ATRNL1: variants seen among roughly 807,000 people sequenced by gnomAD.
ATRNL1 encodes attractin like 1.
ATRNL1 carries 95 observed loss-of-function variants against 182.7 expected under a neutral mutation model. The ratio of observed to expected loss-of-function variants is 0.52; its 90% CI spans 0.44 to 0.62. The LOEUF is 0.62. Among genes scored for constraint, ATRNL1 ranks in the 20% least tolerant of loss-of-function variants. The pLI is 0.00. For missense variants in ATRNL1, 1,471 were observed against 1,679.5 expected, an observed-to-expected ratio of 0.88 and a Z score of 2.17; for synonymous variants, 576 against 568.3, an observed-to-expected ratio of 1.01 and a Z score of -0.19.
chr10:115,236,911 C>G (rs1554901561), intron 9 of ATRNL1, among the ~76,000 whole-genome samples: 1 of 152,088 alleles, frequency 6.6e-6, no homozygotes, highest in Non-Finnish European at 1.5e-5. Context: ...TTATCTCTTC[C>G]TCCCTCCAAA....
chr10:115,176,956 TG>T (rs1468172799), intron 8 of ATRNL1, among the ~76,000 whole-genome samples: 3 of 151,986 alleles, frequency 2.0e-5, no homozygotes, highest in African/African-American at 7.2e-5. Flanking sequence ...TGGGAGTTCT[TG>T]GGAGTTCTTA....
At chr10:115,667,886 A>C (rs1487018895) in intron 26 of ATRNL1, among the ~76,000 whole-genome samples, 1 of 151,860 alleles carries the variant, frequency 6.6e-6, no homozygotes, top group Non-Finnish European at 1.5e-5. Flanking sequence ...GCTTGTCTCA[A>C]ATCCCTGGGC....
At chr10:115,778,786 G>T (rs1471608425) in intron 27 of ATRNL1, among the ~76,000 whole-genome samples, 1 of 152,186 alleles carries the variant, frequency 6.6e-6, no homozygotes, top group African/African-American at 2.4e-5. Flanking sequence ...TAGTCTGGTA[G>T]CTTGTGTAGG....
chr10:115,275,716 C>T (rs1852074833), intron 13 of ATRNL1, among the ~76,000 whole-genome samples: 1 of 152,162 alleles, frequency 6.6e-6, no homozygotes, highest in South Asian at 2.1e-4. Context: ...CAGTGCTCCC[C>T]TCCCAAGTTT....
At chr10:115,245,325 C>T (rs1180662618) in intron 10 of ATRNL1, among the ~76,000 whole-genome samples, 3 of 151,476 alleles carry the variant, frequency 2.0e-5, no homozygotes, top group Non-Finnish European at 4.4e-5. Context: ...ATGGAGAAAC[C>T]CCGTCTCTAC....
At chr10:115,187,941 A>G (rs1675784627) in intron 8 of ATRNL1, among the ~76,000 whole-genome samples, 2 of 151,698 alleles carry the variant, frequency 1.3e-5, no homozygotes, top group South Asian at 4.2e-4. Context: ...CGGTCTCCCA[A>G]AGTGCTGGGA....
intron 26 of ATRNL1, among the ~76,000 whole-genome samples, chr10:115,602,149 T>G (rs1469661017): frequency 1.3e-5 from 2 of 151,502 alleles, no homozygotes; most frequent in Non-Finnish European, 2.9e-5. Context: ...AGGTCAGGAG[T>G]TCGAGACCAG....
chr10:115,929,810 A>G (rs1183563422), intron 28 of ATRNL1, among the ~76,000 whole-genome samples: 2 of 152,284 alleles, frequency 1.3e-5, no homozygotes, highest in Middle Eastern at 3.4e-3. Context: ...AGAACAAAAC[A>G]TATGTCAATA....
intron 28 of ATRNL1, among the ~76,000 whole-genome samples, chr10:115,900,676 G>A (rs952406034): frequency 3.3e-5 from 5 of 152,134 alleles, no homozygotes; most frequent in African/African-American, 4.8e-5. Context: ...TCATGCCCAC[G>A]TAGTTAGGAA....
intron 5 of ATRNL1, among the ~76,000 whole-genome samples, chr10:115,155,316 T>G (rs1427897467): frequency 1.3e-5 from 2 of 152,068 alleles, no homozygotes; most frequent in African/African-American, 2.4e-5. Context: ...AGGTTTCTAT[T>G]GATATATGGG....
chr10:115,250,090 G>A (rs1850810581), intron 10 of ATRNL1, among the ~76,000 whole-genome samples: 4 of 152,150 alleles, frequency 2.6e-5, no homozygotes. Context: ...GGGTGTTGAT[G>A]TAACAGTGGT....
intron 24 of ATRNL1, among the ~76,000 whole-genome samples, chr10:115,484,530 A>G (rs535215381): frequency 6.6e-6 from 1 of 151,840 alleles, no homozygotes; most frequent in South Asian, 2.1e-4. Context: ...GTGTATTTAA[A>G]TAAGTCATAC....
chr10:115,517,028 T>C (rs540592722), intron 24 of ATRNL1, among the ~76,000 whole-genome samples: 1 of 152,122 alleles, frequency 6.6e-6, no homozygotes, highest in East Asian at 1.9e-4. Context: ...TTTGTCTTAT[T>C]ACAATGGTGT....
At chr10:115,175,054 G>C (rs1348948210) in intron 8 of ATRNL1, among the ~76,000 whole-genome samples, 2 of 151,852 alleles carry the variant, frequency 1.3e-5, no homozygotes, top group Non-Finnish European at 2.9e-5. Context: ...CACTTTCAAT[G>C]ATCTTGACTT....
intron 28 of ATRNL1, among the ~76,000 whole-genome samples, chr10:115,877,968 T>C (rs1197256151): frequency 6.6e-6 from 1 of 152,274 alleles, no homozygotes; most frequent in East Asian, 1.9e-4. Flanking sequence ...GTCTCAGTAT[T>C]CTCTCTGCAG....
intron 28 of ATRNL1, among the ~76,000 whole-genome samples, chr10:115,896,421 T>C (rs1555112559): frequency 6.6e-6 from 1 of 151,688 alleles, no homozygotes; most frequent in Non-Finnish European, 1.5e-5. Context: ...AGTTATCCTT[T>C]TATTATAGAA....
At chr10:115,111,609 C>G (rs1844259084) in intron 1 of ATRNL1, among the ~76,000 whole-genome samples, 1 of 152,270 alleles carries the variant, frequency 6.6e-6, no homozygotes, top group African/African-American at 2.4e-5. Context: ...AGTGAGAACT[C>G]ACTCTTTACT....
chr10:115,199,293 T>C (rs1048569821), intron 8 of ATRNL1, among the ~76,000 whole-genome samples: 2 of 152,028 alleles, frequency 1.3e-5, no homozygotes, highest in Non-Finnish European at 2.9e-5. Context: ...ATGTTTCGGC[T>C]GGGTGCAGTG....
chr10:115,621,276 T>TATATATAG (rs1268020830), intron 26 of ATRNL1, among the ~76,000 whole-genome samples: 796 of 47,428 alleles, frequency 0.017, 14 homozygotes, highest in Admixed American at 0.039. Flanking sequence ...TATATATATA[T>TATATATAG]AGAGAGAGAG....
Sources: gnomAD v4.1 joint callset for allele counts (sites outside exome capture counted in the v4.1 genomes callset) on GRCh38, gnomAD v4.1.1 for gene constraint, MANE v1.5 for transcripts, NCBI Gene and HGNC (gene_info 2026-07-23, HGNC 2026-07-21) for gene names.